MMP16: variants seen among roughly 807,000 people sequenced by gnomAD.
MMP16 encodes matrix metallopeptidase 16, also known as matrix metalloproteinase-16.
Under a neutral mutation model 67.8 loss-of-function variants are expected in MMP16, and 12 were observed. The observed-to-expected ratio is 0.18, with a 90% CI of 0.11 to 0.29. MMP16 has a LOEUF of 0.29. Among genes scored for constraint, MMP16 ranks in the 10% least tolerant of loss-of-function variants. MMP16 has a pLI of 1.00. For synonymous variants in MMP16, 249 were observed against 255.9 expected, an observed-to-expected ratio of 0.97 and a Z score of 0.26; for missense variants, 475 against 765.7, an observed-to-expected ratio of 0.62 and a Z score of 4.48.
At chr8:88,269,170 T>A (rs1488421286) in intron 1 of MMP16, among the ~76,000 whole-genome samples, 1 of 152,116 alleles carries the variant, frequency 6.6e-6, no homozygotes, top group African/African-American at 2.4e-5. Context: ...TACATTAGCA[T>A]TTTACCATCT....
At position 88,245,298 on chromosome 8, in the gene MMP16, A is replaced by T. The variant is rs73290618; in HGVS notation, c.133-47992T>A. 2.7e-3 allele frequency among the ~76,000 whole-genome samples: 415 copies of T among 152,310 alleles called. 4 individuals are homozygous for T. Among genetic ancestry groups the T allele is most frequent in the African/African-American group, 9.3e-3 (386 of 41,568 alleles). On this transcript the variant is annotated intron_variant, in intron 1 of 9. Coordinates refer to ENST00000286614, the MANE Select transcript of MMP16 (RefSeq NM_005941.5). ...ATAAATATACAGGCTGTTCCTCACT[A>T]TAAATATTTTAAAGATTCTGAAAGG...
chr8:88,110,786 T>C (rs1436770868), intron 6 of MMP16, among the ~76,000 whole-genome samples: 2 of 151,694 alleles, frequency 1.3e-5, no homozygotes, highest in African/African-American at 2.4e-5. Flanking sequence ...TAATTTTTAT[T>C]CAGCTAAATG....
intron 1 of MMP16, among the ~76,000 whole-genome samples, chr8:88,237,372 G>A (rs554702089): frequency 3.3e-5 from 5 of 152,046 alleles, no homozygotes; most frequent in South Asian, 2.1e-4. Context: ...CATCTTGGCC[G>A]GGCGCGGTGG....
intron 4 of MMP16, among the ~76,000 whole-genome samples, chr8:88,119,984 C>T (rs1037870028): frequency 5.3e-5 from 8 of 151,808 alleles, no homozygotes; most frequent in Admixed American, 2.0e-4. Context: ...AAAAGCCAGG[C>T]GAAAAACCAA....
chr8:88,259,454 T>C (rs1041377080), intron 1 of MMP16, among the ~76,000 whole-genome samples: 4 of 152,136 alleles, frequency 2.6e-5, no homozygotes, highest in East Asian at 1.9e-4. Context: ...TATGAAGCAA[T>C]TGGGTGACAT....
intron 1 of MMP16, among the ~76,000 whole-genome samples, chr8:88,283,743 T>C (rs1810778820): frequency 6.6e-6 from 1 of 152,206 alleles, no homozygotes; most frequent in African/African-American, 2.4e-5. Context: ...ATCATGAGGT[T>C]ATACACTGAC....
chr8:88,202,577 G>A (rs934190480), intron 1 of MMP16, among the ~76,000 whole-genome samples: 1 of 150,660 alleles, frequency 6.6e-6, no homozygotes, highest in Non-Finnish European at 1.5e-5. Flanking sequence ...AGATTTTACT[G>A]TTTTTTTTTC....
At chr8:88,156,182 C>T (rs546142602) in intron 4 of MMP16, among the ~76,000 whole-genome samples, 3 of 151,990 alleles carry the variant, frequency 2.0e-5, no homozygotes, top group Non-Finnish European at 4.4e-5. Context: ...ATATCTCCTA[C>T]TTTCTCTACT....
chr8:88,127,540 C>G (rs1275856453), intron 4 of MMP16, among the ~76,000 whole-genome samples: 1 of 151,700 alleles, frequency 6.6e-6, no homozygotes, highest in Non-Finnish European at 1.5e-5. Flanking sequence ...TATTACATTA[C>G]TGTTGGCCAT....
intron 1 of MMP16, among the ~76,000 whole-genome samples, chr8:88,322,805 A>T (rs1377369577): frequency 6.6e-6 from 1 of 152,172 alleles, no homozygotes; most frequent in African/African-American, 2.4e-5. Flanking sequence ...TGATCACGTC[A>T]TGTAATGGTT....
At chr8:88,122,833 G>A (rs1807861417) in intron 4 of MMP16, among the ~76,000 whole-genome samples, 1 of 151,160 alleles carries the variant, frequency 6.6e-6, no homozygotes, top group Admixed American at 6.6e-5. Context: ...CAGAAGTGAT[G>A]GTATTTGACT....
At chr8:88,124,452 G>A (rs747873013) in intron 4 of MMP16, among the ~76,000 whole-genome samples, 1 of 151,854 alleles carries the variant, frequency 6.6e-6, no homozygotes, top group Admixed American at 6.6e-5. Context: ...AGAAACTTAT[G>A]TAAGCCCCCA....
chr8:88,080,230 T>C (rs1229532426), intron 6 of MMP16, among the ~76,000 whole-genome samples: 1 of 152,176 alleles, frequency 6.6e-6, no homozygotes, highest in African/African-American at 2.4e-5. Flanking sequence ...CCAATTTTTT[T>C]CACCAAACTG....
At position 88,297,627 on chromosome 8, in the gene MMP16, C is replaced by T. The variant is rs538183037; in HGVS notation, c.132+29448G>A. Among the ~76,000 whole-genome samples the T allele has an allele frequency of 6.6e-5, 10 of 152,286 alleles. No individual in the cohort carries two copies. The East Asian group carries it at 1.7e-3, about 26-fold the overall frequency. On this transcript the variant is annotated intron_variant, in intron 1 of 9. Coordinates refer to ENST00000286614, the MANE Select transcript of MMP16 (RefSeq NM_005941.5). ...GGGGCTGATTCTCAGCCAGACTCTA[C>T]CCAGCTAATAAACTCTAAGTACTGT...
chr8:88,327,341 G>A lies in MMP16; in HGVS notation c.-135C>T. ...AGCCTGCAGGTTCACCCACAGCCGG[G>A]CAAGGGGAGGAGACAGGGGCCCCGC... On this transcript the variant is annotated 5_prime_UTR_variant, in exon 1 of 10. Transcript: ENST00000286614. The A allele has an allele frequency of 1.7e-6, 2 of 1,191,062 alleles. No individual in the cohort carries two copies. Among genetic ancestry groups the A allele is most frequent in the Non-Finnish European group, 2.4e-6 (2 of 847,084 alleles). The allele number at this position is 1,191,062 out of a possible 1,614,324, so 73.8% of individuals were successfully genotyped here.
intron 9 of MMP16, among the ~76,000 whole-genome samples, chr8:88,045,654 TAG>T (rs1226205464): frequency 6.6e-6 from 1 of 152,070 alleles, no homozygotes; most frequent in Non-Finnish European, 1.5e-5. Flanking sequence ...CCTGCCAGTG[TAG>T]AGTTTTCTTA....
intron 1 of MMP16, among the ~76,000 whole-genome samples, chr8:88,260,414 A>G (rs561950061): frequency 3.9e-5 from 6 of 152,126 alleles, no homozygotes; most frequent in Admixed American, 2.6e-4. Flanking sequence ...TTTTTCACTT[A>G]AAAGTTTATT....
At chr8:88,205,405 T>C (rs1809410269) in intron 1 of MMP16, among the ~76,000 whole-genome samples, 1 of 152,082 alleles carries the variant, frequency 6.6e-6, no homozygotes, top group South Asian at 2.1e-4. Flanking sequence ...TAACCAAGAA[T>C]GTTCAGTTTT....
intron 4 of MMP16, among the ~76,000 whole-genome samples, chr8:88,165,734 T>C (rs1808701411): frequency 6.6e-6 from 1 of 152,102 alleles, no homozygotes; most frequent in Non-Finnish European, 1.5e-5. Flanking sequence ...ACGTTAAACA[T>C]GCATGCATAA....
Sources: gnomAD v4.1 joint callset for allele counts (sites outside exome capture counted in the v4.1 genomes callset) on GRCh38, gnomAD v4.1.1 for gene constraint, MANE v1.5 for transcripts, NCBI Gene and HGNC (gene_info 2026-07-23, HGNC 2026-07-21) for gene names.